Variants in OPLAH observed in about 807,000 individuals in gnomAD.
OPLAH encodes the protein 5-oxoprolinase, ATP-hydrolysing.
A neutral mutation model predicts 122.8 loss-of-function variants in OPLAH; 103 were observed. That is an observed-to-expected ratio of 0.84 (90% CI 0.71 to 0.99). OPLAH has a LOEUF of 0.99. OPLAH is among the 50% of genes least tolerant of loss of function. OPLAH has a pLI of 0.00. For missense variants in OPLAH, 1,902 were observed against 1,836.5 expected (o/e 1.04, Z -0.65); for synonymous variants, 875 against 796.0 (o/e 1.10, Z -1.67).
rs782665047 is a variant in OPLAH, at chr8:144,057,937, G to A, written c.1089-14C>T. The A allele has an allele frequency of 1.9e-6, 3 of 1,611,802 alleles. No individual in the cohort carries two copies. Among genetic ancestry groups the A allele is most frequent in the Non-Finnish European group, 2.5e-6 (3 of 1,179,558 alleles). ...AAGAGGCCAGACCTAGGGGAAGGAAGGGCTGGGGTTGGAGTTGGACACGAG... is the reference window on the plus strand; with the variant it reads ...AAGAGGCCAGACCTAGGGGAAGGAAAGGCTGGGGTTGGAGTTGGACACGAG... On this transcript the variant is annotated splice_polypyrimidine_tract_variant and intron_variant, in intron 8 of 26. Transcript: ENST00000618853.
Position 144,051,309 on chromosome 8 carries a change from T to C in OPLAH, c.*17A>G. On this transcript the variant is annotated 3_prime_UTR_variant, in exon 27 of 27. Coordinates refer to ENST00000618853, the MANE Select transcript of OPLAH (RefSeq NM_017570.5). ...CCCCAGAACCGGGAGACTTAAGGCA[T>C]CTTTATTGCGGGATCCTCACACGGC... is the stretch of plus-strand genomic sequence containing the variant. 6.2e-7 allele frequency: 1 copy of C among 1,610,258 alleles called. No individual in the cohort carries two copies. Among genetic ancestry groups the C allele is most frequent in the Non-Finnish European group, 8.5e-7 (1 of 1,178,796 alleles).
Position 144,055,860 on chromosome 8 carries a change from G to A in OPLAH, c.2176C>T (p.Pro726Ser). Residue 726 changes from proline (P) to serine (S), a missense_variant, in exon 16 of 27, where the codon CCC becomes TCC. By Grantham distance (74) the Pro-to-Ser change is moderately conservative. Transcript: ENST00000618853. This position sits in a 1 kb window ranked among gnomAD's most constrained non-coding sequence, Gnocchi z 6.5. ...DICISVGAEV[P>S]GTVGPQLDPI... ...TCCAGCTGGGGGCCCACTGTGCCGG[G>A]GACTTCGGCCCCCACGGAGATGCAG... The A allele has an allele frequency of 6.3e-7, 1 of 1,579,160 alleles. No homozygotes were observed. Among genetic ancestry groups the A allele is most frequent in the African/African-American group, 1.3e-5 (1 of 74,198 alleles).
chr8:144,050,893 C>G (rs782399401), downstream of OPLAH: 314 of 999,702 alleles, frequency 3.1e-4, no homozygotes, highest in Non-Finnish European at 3.6e-4. Context: ...ACTGCCCGCC[C>G]GAAGCGCGCG....
rs1554758700 is a variant in OPLAH, at chr8:144,055,179, G to C, written c.2259C>G (p.Gly753=). 1.3e-6 allele frequency: 2 copies of C among 1,540,304 alleles called. No homozygotes were observed. The highest frequency in any genetic ancestry group is 1.7e-6 in the Non-Finnish European group (2 of 1,145,662). Residue 753 remains glycine (G), a synonymous_variant, in exon 17 of 27, where the codon GGC becomes GGG. Coordinates refer to ENST00000618853, the MANE Select transcript of OPLAH (RefSeq NM_017570.5). This position sits in a 1 kb window ranked among gnomAD's most constrained non-coding sequence, Gnocchi z 6.5. The part of the protein sequence containing the change: ...HRFMSIAEQM[G]RILQRTAIST... The stretch of plus-strand genomic sequence containing the variant: ...AGATGGCTGTGCGCTGCAGGATGCG[G>C]CCCATCTGCTCTAGGAGCACAAAGT...
chr8:144,061,521 A>C (rs1835663003), upstream of OPLAH, among the ~76,000 whole-genome samples: 1 of 149,908 alleles, frequency 6.7e-6, no homozygotes. Flanking sequence ...GTCTCAAAAA[A>C]AAGAAAAAAA....
rs1181593302 is a variant in OPLAH, at chr8:144,059,768, CGGGGCA to C, written c.188_193del (p.Leu63_Pro64del). The C allele has an allele frequency of 3.7e-6, 6 of 1,608,594 alleles. No homozygotes were observed. In the African/African-American group the frequency reaches 8.0e-5, roughly 21 times the overall value. ...ATGACTGGAGTCCAGCGGCTGGTCC[CGGGGCA>C]GGAGCATGCCGGCCTCCTGGGGACC... On this transcript the variant is annotated inframe_deletion, in exon 3 of 27. Transcript: ENST00000618853.
intron 19 of OPLAH, 37 bp downstream of exon 19, chr8:144,054,524 G>C: frequency 6.5e-7 from 1 of 1,535,588 alleles, no homozygotes; most frequent in Non-Finnish European, 8.8e-7. Flanking sequence ...ATGTGTCCCA[G>C]CCTACAGAAG....
intron 7 of OPLAH, 37 bp downstream of exon 7, chr8:144,058,202 T>G (rs1554759884): frequency 1.2e-6 from 2 of 1,604,920 alleles, no homozygotes. Context: ...GCCCAGCAGC[T>G]GAGCCTCCCC....
rs782088587 is a variant in OPLAH at position 144,056,611 on chromosome 8, C to G, written c.1844+7G>C. ...TGCCAGGGATCCGGAGTCAGGAAGCCACGTACCGCTCCACAAAGGCTGCCC... is the reference window on the plus strand; with the variant it reads ...TGCCAGGGATCCGGAGTCAGGAAGCGACGTACCGCTCCACAAAGGCTGCCC... On this transcript the variant is annotated splice_region_variant and intron_variant, in intron 13 of 26. Transcript: ENST00000618853. 1 of 1,612,164 alleles carries G rather than the reference C, an allele frequency of 6.2e-7. No individual in the cohort carries two copies. Among genetic ancestry groups the G allele is most frequent in the East Asian group, 2.2e-5 (1 of 44,868 alleles).
rs1835403382 is a variant in OPLAH at position 144,052,404 on chromosome 8, G to A, written c.3303+45C>T. 2.0e-6 allele frequency: 3 copies of A among 1,525,716 alleles called. No individual in the cohort carries two copies. In the South Asian group the frequency reaches 3.6e-5, roughly 18 times the overall value. 94.5% of individuals were successfully genotyped at this position (1,525,716 alleles called of 1,614,324 possible). A position where few individuals can be genotyped will look rare whatever the true frequency, so the allele number is the denominator to read the frequency against. ...CGCCCTCCCGCTCCTACTCCAGCCT[G>A]CCCACCCAGTCCGCCCCCGAGCTGC... On this transcript the variant is annotated intron_variant, in intron 23 of 26. Coordinates refer to ENST00000618853, the MANE Select transcript of OPLAH (RefSeq NM_017570.5).
rs1835483314 is a variant in OPLAH at position 144,055,218 on chromosome 8, G to A, written c.2249-29C>T. The A allele has an allele frequency of 2.0e-6, 3 of 1,490,784 alleles. No homozygotes were observed. The highest frequency in any genetic ancestry group is 2.4e-5 in the Admixed American group (1 of 41,874). The allele number at this position is 1,490,784 out of a possible 1,614,324, so 92.3% of individuals were successfully genotyped here. A position where few individuals can be genotyped will look rare whatever the true frequency, so the allele number is the denominator to read the frequency against. On this transcript the variant is annotated intron_variant, in intron 16 of 26. Coordinates refer to ENST00000618853, the MANE Select transcript of OPLAH (RefSeq NM_017570.5). The surrounding 1 kb of genome is among the most constrained non-coding windows in gnomAD (Gnocchi z 6.5). ...GGAGCACAAAGTGACCAGGCCCGCT[G>A]GCCCCACCCACCCACAGCCTGGCCC...
upstream of OPLAH, among the ~76,000 whole-genome samples, chr8:144,062,631 G>A (rs1374998814): frequency 1.3e-5 from 2 of 151,978 alleles, no homozygotes; most frequent in Non-Finnish European, 2.9e-5. Flanking sequence ...GTCAGCCCAG[G>A]ATCTATCAGG....
Position 144,059,788 on chromosome 8 carries a change from C to T in OPLAH, c.174G>A (p.Glu58=), listed in dbSNP as rs782393524. 58 of 1,608,210 alleles carry T rather than the reference C, an allele frequency of 3.6e-5. 1 individual carries two copies. In the East Asian group the frequency reaches 1.3e-3, roughly 35 times the overall value. The part of the protein sequence containing the change: ...TEGIRRILEQ[E]AGMLLPRDQP... ...GGTCCCGGGGCAGGAGCATGCCGGC[C>T]TCCTGGGGACCACGTGGTCAGTGTG... The change falls in exon 3 of 27, where the codon GAG becomes GAA. Residue 58 remains glutamate, a splice_region_variant and synonymous_variant. Transcript: ENST00000618853.
In OPLAH at chr8:144,059,775, G is replaced by A. The variant is rs782424960; in HGVS notation, c.187C>T (p.Leu63=). 16 of 1,608,260 alleles carry A rather than the reference G, an allele frequency of 9.9e-6. No individual in the cohort carries two copies. In the East Asian group the frequency reaches 3.3e-4, roughly 34 times the overall value. Reference sequence around the variant, plus strand: ...GAGTCCAGCGGCTGGTCCCGGGGCAGGAGCATGCCGGCCTCCTGGGGACCA... The same window carrying A: ...GAGTCCAGCGGCTGGTCCCGGGGCAAGAGCATGCCGGCCTCCTGGGGACCA... The part of the protein sequence containing the change: ...RILEQEAGML[L]PRDQPLDSSH... The change falls in exon 3 of 27, where the codon CTG becomes TTG. Residue 63 remains leucine (L), a synonymous_variant. Transcript: ENST00000618853.
chr8:144,052,943 C>T (rs1272848439), intron 21 of OPLAH, 40 bp downstream of exon 21: 3 of 1,573,596 alleles, frequency 1.9e-6, no homozygotes, highest in Admixed American at 1.8e-5. Flanking sequence ...GCGGCCGCAC[C>T]GTGCCCCTGC....
Position 144,052,026 on chromosome 8 carries a change from C to G in OPLAH, c.3512G>C (p.Arg1171Thr), listed in dbSNP as rs2129743421. ...RFELRRGSGG[R>T]GRFRGGDGVT... ...GCCGTCGCCGCCTCGGAAGCGGCCT[C>G]TGCCCCCCGAGCCCCGCCGCAGCTC... The change falls in exon 25 of 27, where the codon AGA becomes ACA. Residue 1171 changes from arginine to threonine, a missense_variant. Transcript: ENST00000618853. 6.3e-7 allele frequency: 1 copy of G among 1,590,376 alleles called. No individual in the cohort carries two copies. Among genetic ancestry groups the G allele is most frequent in the Non-Finnish European group, 8.5e-7 (1 of 1,176,466 alleles).
Position 144,054,593 on chromosome 8 carries a change from T to G in OPLAH, c.2654A>C (p.Lys885Thr). Residue 885 changes from lysine to threonine, a missense_variant, in exon 19 of 27, where the codon AAA becomes ACA. Physicochemically the swap from Lys to Thr is moderately conservative, Grantham distance 78 (BLOSUM62 -1). Around this residue, in one of 3 missense-constraint regions of OPLAH, gnomAD observed 1,726 missense variants for 1,642.1 expected, o/e 1.05. Coordinates refer to ENST00000618853, the MANE Select transcript of OPLAH (RefSeq NM_017570.5). ...QQEGAVFLSF[K>T]LVQGGVFQEE... ...CTGGAAGACGCCCCCCTGGACAAGT[T>G]TGAAGGACAGAAAGACGGCACCCTC... 1 of 1,602,150 alleles carries G rather than the reference T, an allele frequency of 6.2e-7. No individual in the cohort carries two copies. The highest frequency in any genetic ancestry group is 8.5e-7 in the Non-Finnish European group (1 of 1,171,308).
rs1029620429 is a variant in OPLAH at position 144,059,293 on chromosome 8, G to A, written c.364-214C>T. Among the ~76,000 whole-genome samples, 3 of 152,180 alleles carry A rather than the reference G, an allele frequency of 2.0e-5. No homozygotes were observed. The South Asian group carries it at 6.2e-4, about 32-fold the overall frequency. On this transcript the variant is annotated intron_variant, in intron 3 of 26. Coordinates refer to ENST00000618853, the MANE Select transcript of OPLAH (RefSeq NM_017570.5). ...CAGCCAACTGCTCCACCCCCACGAAGGCAGCTTCTTCCGGAAACGCAGCAG... is the reference window on the plus strand; with the variant it reads ...CAGCCAACTGCTCCACCCCCACGAAAGCAGCTTCTTCCGGAAACGCAGCAG...
chr8:144,057,824 C>T, intron 9 of OPLAH, 32 bp downstream of exon 9: 1 of 1,605,636 alleles, frequency 6.2e-7, no homozygotes, highest in Non-Finnish European at 8.5e-7. Context: ...AAGCGGAGGG[C>T]AAGGCCAGGC....
Sources: allele counts gnomAD v4.1 joint callset (sites outside exome capture counted in the v4.1 genomes callset), GRCh38; gene constraint gnomAD v4.1.1; regional missense constraint gnomAD v4.1.1; non-coding constraint Gnocchi (gnomAD v3.1); transcripts MANE v1.5; gene names NCBI Gene and HGNC (gene_info 2026-07-23, HGNC 2026-07-21).